Variants in MALL observed in about 807,000 individuals in gnomAD.
MALL encodes mal, T cell differentiation protein like.
A neutral mutation model predicts 10.3 loss-of-function variants in MALL; 2 were observed. The observed-to-expected ratio is 0.19, with a 90% CI of 0.08 to 0.61. The LOEUF (loss-of-function observed/expected upper bound fraction) is 0.61, where lower values mean the gene tolerates loss of function less well. Among genes scored for constraint, MALL ranks in the 20% least tolerant of loss-of-function variants. MALL has a pLI of 0.88. For synonymous variants in MALL, 27 were observed against 51.8 expected (o/e 0.52, Z 2.05); for missense variants, 39 against 115.2 (o/e 0.34, Z 3.03).
At chr2:110,114,858 T>G (rs1295067496) in intron 1 of MALL, among the ~76,000 whole-genome samples, 9 of 152,016 alleles carry the variant, frequency 5.9e-5, no homozygotes, top group African/African-American at 2.2e-4. Context: ...AAACACTCCT[T>G]TGCCTTGATT....
chr2:110,099,624 C>G (rs1374172631), intron 1 of MALL, among the ~76,000 whole-genome samples: 1 of 152,106 alleles, frequency 6.6e-6, no homozygotes, highest in African/African-American at 2.4e-5. Context: ...TGGGATCTCA[C>G]CAGTAAGGGG....
chr2:110,106,556 A>G (rs1355562853), intron 1 of MALL, among the ~76,000 whole-genome samples: 1 of 152,242 alleles, frequency 6.6e-6, no homozygotes, highest in African/African-American at 2.4e-5. Context: ...TAAATTCACC[A>G]GTAAACTACA....
chr2:110,115,274 G>A (rs17842650), intron 1 of MALL, among the ~76,000 whole-genome samples: 45,749 of 152,066 alleles, frequency 0.3, 7,423 homozygotes, highest in East Asian at 0.55. Context: ...AAATTCATGT[G>A]CAACATCTCC....
chr2:110,114,883 A>T lies in MALL; in HGVS notation c.105+805T>A, dbSNP rs182594542. Among the ~76,000 whole-genome samples, 548 of 152,182 alleles carry T rather than the reference A, an allele frequency of 3.6e-3. 6 individuals carry two copies. Among genetic ancestry groups the T allele is most frequent in the African/African-American group, 0.013 (522 of 41,526 alleles). On this transcript the variant is annotated intron_variant, in intron 1 of 3. Transcript: ENST00000272462. ...TTGCCTTGATTGGACCCCAGGCTTG[A>T]CTGTGCTCCTCCGTGAAGAGGATGT...
chr2:110,111,843 C>T (rs1187221478), intron 1 of MALL, among the ~76,000 whole-genome samples: 1 of 152,088 alleles, frequency 6.6e-6, no homozygotes, highest in South Asian at 2.1e-4. Context: ...TACTATAAGG[C>T]CATAGTCACC....
upstream of MALL, chr2:110,115,856 T>A: frequency 1.6e-6 from 1 of 617,932 alleles, no homozygotes; most frequent in Non-Finnish European, 2.3e-6. Context: ...AAATATCACC[T>A]CCTGCCCGAC....
At chr2:110,117,724 T>A (rs1574040774), upstream of MALL, among the ~76,000 whole-genome samples, 1 of 151,580 alleles carries the variant, frequency 6.6e-6, no homozygotes, top group African/African-American at 2.4e-5. Context: ...GAGACAAAGG[T>A]TCCCCTTTCT....
At chr2:110,098,427 G>A (rs551864715) in intron 1 of MALL, among the ~76,000 whole-genome samples, 2 of 151,992 alleles carry the variant, frequency 1.3e-5, no homozygotes, top group East Asian at 1.9e-4. Context: ...TCTACTTTCC[G>A]TCTACTCTGG....
intron 1 of MALL, among the ~76,000 whole-genome samples, chr2:110,102,440 C>T (rs911569223): frequency 6.6e-6 from 1 of 152,198 alleles, no homozygotes; most frequent in African/African-American, 2.4e-5. Flanking sequence ...GCCCTGAGGT[C>T]TCTGTCCCTG....
chr2:110,097,788 C>A (rs149249150), intron 1 of MALL, among the ~76,000 whole-genome samples: 148 of 152,228 alleles, frequency 9.7e-4, no homozygotes, highest in Admixed American at 2.5e-3. Flanking sequence ...ATTGCTTCAG[C>A]ATGGCAGGTT....
intron 1 of MALL, among the ~76,000 whole-genome samples, chr2:110,099,125 A>C (rs528288856): frequency 1.3e-5 from 2 of 152,168 alleles, no homozygotes; most frequent in African/African-American, 4.8e-5. Context: ...CTGCCACCAT[A>C]GCATCCCTTG....
chr2:110,117,780 C>T (rs1678951813), upstream of MALL, among the ~76,000 whole-genome samples: 1 of 152,018 alleles, frequency 6.6e-6, no homozygotes, highest in African/African-American at 2.4e-5. Context: ...TTGCCACCAC[C>T]ACTGTCACGA....
intron 1 of MALL, among the ~76,000 whole-genome samples, chr2:110,102,730 C>T (rs1360836671): frequency 6.6e-6 from 1 of 152,104 alleles, no homozygotes; most frequent in Non-Finnish European, 1.5e-5. Flanking sequence ...CCTCCCAGGC[C>T]CCAGAAATTC....
intron 1 of MALL, among the ~76,000 whole-genome samples, chr2:110,107,698 T>C (rs2104391211): frequency 6.6e-6 from 1 of 152,288 alleles, no homozygotes; most frequent in African/African-American, 2.4e-5. Context: ...CTGCTGCTTT[T>C]TGGAAAGTGT....
At chr2:110,113,128 G>A (rs1029765600) in intron 1 of MALL, among the ~76,000 whole-genome samples, 4 of 151,736 alleles carry the variant, frequency 2.6e-5, no homozygotes, top group African/African-American at 7.3e-5. Context: ...AGTGGGAGAG[G>A]AGTGAGGGAT....
chr2:110,109,857 AT>A (rs1280276953), intron 1 of MALL, among the ~76,000 whole-genome samples: 3 of 152,210 alleles, frequency 2.0e-5, no homozygotes, highest in Admixed American at 6.5e-5. Flanking sequence ...GAAAATTGAA[AT>A]TATATCAAGC....
chr2:110,100,304 T>C (rs1678535153), intron 1 of MALL, among the ~76,000 whole-genome samples: 1 of 152,070 alleles, frequency 6.6e-6, no homozygotes, highest in Non-Finnish European at 1.5e-5. Context: ...CAAAATGAGA[T>C]ACTGTCTCTA....
chr2:110,100,267 C>G (rs1448818924), intron 1 of MALL, among the ~76,000 whole-genome samples: 2 of 152,104 alleles, frequency 1.3e-5, no homozygotes, highest in Admixed American at 1.3e-4. Context: ...TTGCTTGAGG[C>G]TAGGCATTTG....
chr2:110,095,089 G>T (rs1678413566), intron 1 of MALL, among the ~76,000 whole-genome samples: 1 of 150,354 alleles, frequency 6.7e-6, no homozygotes, highest in Non-Finnish European at 1.5e-5. Context: ...CAGAGCCAAG[G>T]GCTGCAGGTG....
Sources: gnomAD v4.1 joint callset for allele counts (sites outside exome capture counted in the v4.1 genomes callset) on GRCh38, gnomAD v4.1.1 for gene constraint, MANE v1.5 for transcripts, NCBI Gene and HGNC (gene_info 2026-07-23, HGNC 2026-07-21) for gene names.